Variants in INPP4A observed in about 807,000 individuals in gnomAD.
INPP4A encodes the protein inositol polyphosphate-4-phosphatase, type I, 107kD.
Under a neutral mutation model 119.8 loss-of-function variants are expected in INPP4A, and 33 were observed. The ratio of observed to expected loss-of-function variants is 0.28; its 90% CI spans 0.21 to 0.37. INPP4A has a LOEUF of 0.37. Ranked by LOEUF, INPP4A falls within the 10% of genes least tolerant of loss-of-function variation. The pLI is 1.00. For missense variants in INPP4A, 956 were observed against 1,289.9 expected (o/e 0.74, Z 3.97); for synonymous variants, 496 against 500.7 (o/e 0.99, Z 0.12).
At chr2:98,512,634 C>T (rs1685340058) in intron 1 of INPP4A, among the ~76,000 whole-genome samples, 1 of 152,238 alleles carries the variant, frequency 6.6e-6, no homozygotes, top group African/African-American at 2.4e-5. Flanking sequence ...CTCACTCCTA[C>T]AGAAACAGCA....
intron 14 of INPP4A, 115 bp downstream of exon 14, chr2:98,553,084 C>A: frequency 2.5e-6 from 2 of 806,502 alleles, no homozygotes; most frequent in Non-Finnish European, 3.9e-6. Flanking sequence ...ATTGGGATGA[C>A]TTTGAAGGTC....
In INPP4A at chr2:98,569,756, C is replaced by G. The variant is rs1407244016; in HGVS notation, c.2518+1088C>G. On this transcript the variant is annotated intron_variant, in intron 22 of 24. Coordinates refer to ENST00000409851, the MANE Select transcript of INPP4A (RefSeq NM_001134225.2). This position sits in a 1 kb window ranked among gnomAD's most constrained non-coding sequence, Gnocchi z 5.1. ...GCCGTCCTGCTAGGAGAGAGTGATG[C>G]AGAACACTCCGGGGCTGGGCCAAGA... The G allele has an allele frequency of 6.6e-6, 1 of 152,218 alleles. No homozygotes were observed. The highest frequency in any genetic ancestry group is 2.4e-5 in the African/African-American group (1 of 41,410). The allele number at this position is 152,218 out of a possible 1,614,324, so 9.4% of individuals were successfully genotyped here.
At chr2:98,535,901 A>C (rs962832197) in intron 6 of INPP4A, 56 bp downstream of exon 6, 1 of 878,024 alleles carries the variant, frequency 1.1e-6, no homozygotes, top group African/African-American at 1.7e-5. Context: ...AAATTATATA[A>C]TCGTTTGAAT....
In INPP4A at chr2:98,554,315, C is replaced by T. The variant is rs200658818; in HGVS notation, c.1392C>T (p.Asn464=). The change falls in exon 15 of 25, where the codon AAC becomes AAT. Residue 464 remains asparagine, a synonymous_variant. Transcript: ENST00000409851. The surrounding 1 kb of genome is among the most constrained non-coding windows in gnomAD (Gnocchi z 4.7). ...VTVCDCKLLA[N]SIHGLNAARP... ...TCTGCGACTGCAAGCTCCTGGCCAA[C>T]TCCATCCATGGGCTGAACGCTGCAC... 7 of 1,612,258 alleles carry T rather than the reference C, an allele frequency of 4.3e-6. No individual in the cohort carries two copies. The highest frequency in any genetic ancestry group is 5.9e-6 in the Non-Finnish European group (7 of 1,179,326).
chr2:98,483,477 G>A (rs1678888370), intron 1 of INPP4A, among the ~76,000 whole-genome samples: 1 of 152,174 alleles, frequency 6.6e-6, no homozygotes, highest in Admixed American at 6.5e-5. Context: ...GTGGGGCCAA[G>A]TCCTGATGGA....
At position 98,573,035 on chromosome 2, in the gene INPP4A, C is replaced by T. The variant is rs189443312; in HGVS notation, c.2631+108C>T. The T allele has an allele frequency of 1.4e-5, 11 of 806,618 alleles. No homozygotes were observed. In the Admixed American group the frequency reaches 1.9e-4, roughly 14 times the overall value. 50.0% of individuals were successfully genotyped at this position (806,618 alleles called of 1,614,324 possible). On this transcript the variant is annotated intron_variant, in intron 23 of 24. Coordinates refer to ENST00000409851, the MANE Select transcript of INPP4A (RefSeq NM_001134225.2). ...CAGCAGGAGAGCAGAGCTCTCCATACTGGGAGAGGAGGGAGTCACTGAGTA... is the reference window on the plus strand; with the variant it reads ...CAGCAGGAGAGCAGAGCTCTCCATATTGGGAGAGGAGGGAGTCACTGAGTA...
intron 1 of INPP4A, among the ~76,000 whole-genome samples, chr2:98,510,613 T>TCATACAGC (rs1029874701): frequency 6.6e-6 from 1 of 152,174 alleles, no homozygotes; most frequent in Non-Finnish European, 1.5e-5. Flanking sequence ...TCCAGCCCTT[T>TCATACAGC]CATACAGCAC....
Position 98,546,518 on chromosome 2 carries a change from TA to T in INPP4A, c.1055-67del. On this transcript the variant is annotated intron_variant, in intron 12 of 24. Transcript: ENST00000409851. This position sits in a 1 kb window ranked among gnomAD's most constrained non-coding sequence, Gnocchi z 4.2. ...GGTCAGGACCCCAGACTTGTGTGCA[TA>T]TCCCTATAGCTGGCTTGTCCACAGG... 1 of 1,082,436 alleles carries T rather than the reference TA, an allele frequency of 9.2e-7. No homozygotes were observed. 67.1% of individuals were successfully genotyped at this position (1,082,436 alleles called of 1,614,324 possible).
chr2:98,538,675 CCATG>C (rs1690791216), intron 8 of INPP4A, among the ~76,000 whole-genome samples: 1 of 152,218 alleles, frequency 6.6e-6, no homozygotes, highest in Non-Finnish European at 1.5e-5. Flanking sequence ...GACTGAGAAA[CCATG>C]CATGCCTAGA....
At chr2:98,448,081 C>T (rs529417637) in intron 1 of INPP4A, among the ~76,000 whole-genome samples, 4 of 147,198 alleles carry the variant, frequency 2.7e-5, no homozygotes, top group South Asian at 2.1e-4. Flanking sequence ...CATGGCCGGG[C>T]GCAGTGGCTC....
rs1475152943 is a variant in INPP4A at position 98,535,707 on chromosome 2, A to T, written c.271-22A>T. ...TTTAAAAATCCAACCCTGTGTTCTGATTATTTCCTTTTCTGTTCTAGGGAA... is the reference window on the plus strand; with the variant it reads ...TTTAAAAATCCAACCCTGTGTTCTGTTTATTTCCTTTTCTGTTCTAGGGAA... On this transcript the variant is annotated intron_variant, in intron 5 of 24. Coordinates refer to ENST00000409851, the MANE Select transcript of INPP4A (RefSeq NM_001134225.2). 1.6e-5 allele frequency: 18 copies of T among 1,136,518 alleles called. No homozygotes were observed. In the African/African-American group the frequency reaches 1.7e-4, roughly 11 times the overall value. 70.4% of individuals were successfully genotyped at this position (1,136,518 alleles called of 1,614,324 possible).
At chr2:98,520,767 T>C in intron 4 of INPP4A, 36 bp downstream of exon 4, 1 of 1,207,780 alleles carries the variant, frequency 8.3e-7, no homozygotes, top group Non-Finnish European at 1.2e-6. Flanking sequence ...TTTTAAAAAA[T>C]ATTTTACTTA....
At chr2:98,523,202 C>T (rs1359950890) in intron 4 of INPP4A, among the ~76,000 whole-genome samples, 3 of 152,148 alleles carry the variant, frequency 2.0e-5, no homozygotes, top group Non-Finnish European at 4.4e-5. Context: ...GAGAGAATGA[C>T]AGTTGGTATA....
chr2:98,566,580 A>G lies in INPP4A; in HGVS notation c.2420+411A>G, dbSNP rs1354281144. ...ATGTCAGATTAAGAAGACTGAAGAA[A>G]GGCCTGGCGAGGAGAAACAGCATGG... On this transcript the variant is annotated intron_variant, in intron 21 of 24. Transcript: ENST00000409851. This position sits in a 1 kb window ranked among gnomAD's most constrained non-coding sequence, Gnocchi z 4.2. Among the ~76,000 whole-genome samples the G allele has an allele frequency of 6.6e-6, 1 of 152,172 alleles. No individual in the cohort carries two copies. Among genetic ancestry groups the G allele is most frequent in the Non-Finnish European group, 1.5e-5 (1 of 68,008 alleles).
intron 19 of INPP4A, among the ~76,000 whole-genome samples, chr2:98,565,420 C>T (rs1365048738): frequency 2.0e-5 from 3 of 152,220 alleles, no homozygotes; most frequent in Non-Finnish European, 2.9e-5. Context: ...CGCGTGTTTC[C>T]ACCAGATGCA....
chr2:98,480,519 C>G (rs190217312), intron 1 of INPP4A, among the ~76,000 whole-genome samples: 1 of 152,208 alleles, frequency 6.6e-6, no homozygotes, highest in Admixed American at 6.5e-5. Flanking sequence ...TTAGGAACAT[C>G]ATCACTGACT....
Position 98,592,234 on chromosome 2 carries a change from AGT to A in INPP4A, c.*4627_*4628del, listed in dbSNP as rs1700436837. 1.3e-5 allele frequency: 2 copies of A among 152,232 alleles called. No homozygotes were observed. The highest frequency in any genetic ancestry group is 4.1e-4 in the South Asian group (2 of 4,828). 9.4% of individuals were successfully genotyped at this position (152,232 alleles called of 1,614,324 possible). On this transcript the variant is annotated 3_prime_UTR_variant, in exon 25 of 25. Coordinates refer to ENST00000409851, the MANE Select transcript of INPP4A (RefSeq NM_001134225.2). Reference sequence around the variant, plus strand: ...CCCTCTTAAGAGCCGATTTTCTGTAAGTTATAGTGAGGGCACTGCTCTGCTGT... The same window carrying A: ...CCCTCTTAAGAGCCGATTTTCTGTAATATAGTGAGGGCACTGCTCTGCTGT...
At chr2:98,531,551 C>T (rs1256000382) in intron 4 of INPP4A, among the ~76,000 whole-genome samples, 2 of 152,064 alleles carry the variant, frequency 1.3e-5, no homozygotes, top group Non-Finnish European at 2.9e-5. Context: ...TGTACCTAGG[C>T]ACATCATAAT....
chr2:98,495,299 C>T (rs1681714506), intron 1 of INPP4A, among the ~76,000 whole-genome samples: 1 of 152,238 alleles, frequency 6.6e-6, no homozygotes, highest in Non-Finnish European at 1.5e-5. Flanking sequence ...ATTTGTTCCA[C>T]TGGTCTACGT....
Sources: gnomAD v4.1 joint callset for allele counts (sites outside exome capture counted in the v4.1 genomes callset) on GRCh38, gnomAD v4.1.1 for gene constraint, Gnocchi (gnomAD v3.1) non-coding constraint, MANE v1.5 for transcripts, NCBI Gene and HGNC (gene_info 2026-07-23, HGNC 2026-07-21) for gene names.